The following AUTS2 variants were observed in gnomAD, a reference collection of about 807,000 sequenced individuals.
The protein encoded by AUTS2 is autism susceptibility gene 2 protein.
A neutral mutation model predicts 112.4 loss-of-function variants in AUTS2; 17 were observed. The observed-to-expected ratio is 0.15, with a 90% CI of 0.10 to 0.23. AUTS2 has a LOEUF of 0.23. Ranked by LOEUF, AUTS2 falls within the 10% of genes least tolerant of loss-of-function variation. The pLI is 1.00. For missense variants in AUTS2, 1,510 were observed against 1,701.6 expected (o/e 0.89, Z 1.98); for synonymous variants, 751 against 702.7 (o/e 1.07, Z -1.09).
At position 70,690,482 on chromosome 7, in the gene AUTS2, T is replaced by C. The variant is rs1225351571; in HGVS notation, c.691-8087T>C. ...CTCAAGAAGCACACAGCACATGCGC[T>C]GTTAGAGTGCCTGAACTTCATTATA... On this transcript the variant is annotated intron_variant, in intron 5 of 18. Transcript: ENST00000342771. Among the ~76,000 whole-genome samples, 7 of 152,308 alleles carry C rather than the reference T, an allele frequency of 4.6e-5. No homozygotes were observed. The East Asian group carries it at 5.8e-4, about 13-fold the overall frequency.
At chr7:70,469,398 G>A (rs1223784884) in intron 5 of AUTS2, among the ~76,000 whole-genome samples, 3 of 152,120 alleles carry the variant, frequency 2.0e-5, no homozygotes, top group Admixed American at 1.3e-4. Context: ...CCACAAATCT[G>A]GGGGAAAACT....
At chr7:70,059,237 T>C (rs1255432160) in intron 2 of AUTS2, among the ~76,000 whole-genome samples, 1 of 152,238 alleles carries the variant, frequency 6.6e-6, no homozygotes, top group African/African-American at 2.4e-5. Flanking sequence ...AAGAATGTCA[T>C]ACAGTTGGAA....
At chr7:69,710,668 T>C (rs1280243820) in intron 1 of AUTS2, among the ~76,000 whole-genome samples, 3 of 152,210 alleles carry the variant, frequency 2.0e-5, no homozygotes, top group African/African-American at 4.8e-5. Flanking sequence ...AGCTGAGAAG[T>C]CCTTTTTAAA....
At chr7:69,859,027 G>A (rs1158724741) in intron 1 of AUTS2, among the ~76,000 whole-genome samples, 2 of 152,214 alleles carry the variant, frequency 1.3e-5, no homozygotes, top group African/African-American at 2.4e-5. Flanking sequence ...AAGGGTCCAT[G>A]CTCACAGCAT....
At chr7:70,165,785 T>G (rs892260204) in intron 4 of AUTS2, among the ~76,000 whole-genome samples, 2 of 152,210 alleles carry the variant, frequency 1.3e-5, no homozygotes, top group African/African-American at 4.8e-5. Context: ...AGACATTTTT[T>G]CTTCTAATCT....
chr7:70,787,922 A>G lies in AUTS2; in HGVS notation c.2531+491A>G, dbSNP rs79690140. Among the ~76,000 whole-genome samples the G allele has an allele frequency of 4.9e-4, 74 of 152,306 alleles. 1 individual carries two copies. The East Asian group carries it at 0.014, about 28-fold the overall frequency. On this transcript the variant is annotated intron_variant, in intron 18 of 18. Coordinates refer to ENST00000342771, the MANE Select transcript of AUTS2 (RefSeq NM_015570.4). ...TGTTCAAACTCAAAGCCTGGGGCTC[A>G]CAGATGACTAATAAAATTTTACTCA... is the stretch of plus-strand genomic sequence containing the variant.
intron 14 of AUTS2, among the ~76,000 whole-genome samples, chr7:70,779,312 T>G (rs1355844947): frequency 1.3e-5 from 2 of 152,206 alleles, no homozygotes; most frequent in Admixed American, 1.3e-4. Context: ...ACGCATTCTT[T>G]TAGTCGTTCA....
At chr7:69,984,167 C>T (rs1584527637) in intron 2 of AUTS2, among the ~76,000 whole-genome samples, 1 of 152,188 alleles carries the variant, frequency 6.6e-6, no homozygotes, top group Non-Finnish European at 1.5e-5. Context: ...CTTGTAATCC[C>T]AGCACTTTGG....
At chr7:69,605,895 T>C (rs1399136193) in intron 1 of AUTS2, among the ~76,000 whole-genome samples, 2 of 152,192 alleles carry the variant, frequency 1.3e-5, no homozygotes, top group Non-Finnish European at 2.9e-5. Context: ...GGTTATGAAT[T>C]CAAGTATTTT....
intron 1 of AUTS2, among the ~76,000 whole-genome samples, chr7:69,894,277 TTA>T (rs1491412813): frequency 2.5e-5 from 3 of 120,576 alleles, no homozygotes; most frequent in East Asian, 2.3e-4. Flanking sequence ...TTTTTTTTTT[TTA>T]ACAGATTTCT....
intron 2 of AUTS2, among the ~76,000 whole-genome samples, chr7:70,081,965 T>TGTGTGTGTGTGC (rs1018968486): frequency 7.0e-5 from 9 of 128,104 alleles, no homozygotes; most frequent in African/African-American, 2.6e-4. Context: ...TGTGTGTGTG[T>TGTGTGTGTGTGC]GCGCGCGCCT....
At chr7:70,506,605 C>T (rs1484203550) in intron 5 of AUTS2, among the ~76,000 whole-genome samples, 1 of 152,154 alleles carries the variant, frequency 6.6e-6, no homozygotes, top group Middle Eastern at 3.2e-3. Flanking sequence ...CTCAGCTGTT[C>T]TGTCAAAACA....
intron 2 of AUTS2, among the ~76,000 whole-genome samples, chr7:70,039,350 T>TTTG (rs142049425): frequency 4.6e-5 from 7 of 151,946 alleles, no homozygotes; most frequent in South Asian, 2.1e-4. Context: ...AGTTTGGGTT[T>TTTG]TTGTTGTTGT....
chr7:70,501,739 C>T (rs552221685), intron 5 of AUTS2, among the ~76,000 whole-genome samples: 52 of 152,158 alleles, frequency 3.4e-4, no homozygotes, highest in Middle Eastern at 3.4e-3. Context: ...CAAACAAAAC[C>T]ATCAAACTCC....
rs1400978797 is a variant in AUTS2 at position 70,051,279 on chromosome 7, C to T, written c.523-66853C>T. On this transcript the variant is annotated intron_variant, in intron 2 of 18. Transcript: ENST00000342771. ...GGTGATGAAATGAACTTTTTGAGTG[C>T]GTTTGTCTCCTGAATAAATCTGTAA... 7.2e-5 allele frequency among the ~76,000 whole-genome samples: 11 copies of T among 152,286 alleles called. No homozygotes were observed. The East Asian group carries it at 1.3e-3, about 19-fold the overall frequency.
At chr7:70,684,522 G>A (rs997847717) in intron 5 of AUTS2, among the ~76,000 whole-genome samples, 3 of 151,790 alleles carry the variant, frequency 2.0e-5, no homozygotes, top group African/African-American at 7.3e-5. Context: ...GGTGTGGTAT[G>A]GTGTGGCGTG....
intron 4 of AUTS2, among the ~76,000 whole-genome samples, chr7:70,327,264 G>T (rs953079785): frequency 6.6e-6 from 1 of 152,134 alleles, no homozygotes; most frequent in African/African-American, 2.4e-5. Flanking sequence ...TTAAATGGAG[G>T]TCTTTATGTT....
intron 1 of AUTS2, among the ~76,000 whole-genome samples, chr7:69,771,985 A>G (rs1788684682): frequency 6.6e-6 from 1 of 152,044 alleles, no homozygotes; most frequent in South Asian, 2.1e-4. Context: ...GAGTTTCTCC[A>G]TGTTGATCAG....
chr7:70,123,125 C>T (rs1033183487), intron 3 of AUTS2, among the ~76,000 whole-genome samples: 1 of 152,062 alleles, frequency 6.6e-6, no homozygotes, highest in African/African-American at 2.4e-5. Flanking sequence ...ATCCATCCAC[C>T]TTGGCCTTCC....
Sources: allele counts gnomAD v4.1 joint callset (sites outside exome capture counted in the v4.1 genomes callset), GRCh38; gene constraint gnomAD v4.1.1; transcripts MANE v1.5; gene names NCBI Gene and HGNC (gene_info 2026-07-23, HGNC 2026-07-21).